Variants in CDH13 observed in about 807,000 individuals in gnomAD.
The protein encoded by CDH13 is cadherin 13, also known as cadherin-13.
Under a neutral mutation model 63.8 loss-of-function variants are expected in CDH13, and 24 were observed. The observed-to-expected ratio is 0.38, with a 90% confidence interval of 0.27 to 0.53. The LOEUF (loss-of-function observed/expected upper bound fraction) is 0.53, where lower values mean the gene tolerates loss of function less well. Ranked by LOEUF, CDH13 falls within the 20% of genes least tolerant of loss-of-function variation. The pLI is 0.85. For missense variants in CDH13, 1,049 were observed against 903.1 expected (o/e 1.16, Z -2.07); for synonymous variants, 503 against 355.3 (o/e 1.42, Z -4.67).
intron 2 of CDH13, among the ~76,000 whole-genome samples, chr16:83,027,699 G>C (rs1411724441): frequency 6.6e-6 from 1 of 152,186 alleles, no homozygotes; most frequent in Non-Finnish European, 1.5e-5. Flanking sequence ...GAGCAGAGCT[G>C]TGTGGCCCCC....
intron 2 of CDH13, among the ~76,000 whole-genome samples, chr16:82,861,908 TG>T (rs1268042712): frequency 6.6e-6 from 1 of 152,196 alleles, no homozygotes; most frequent in Non-Finnish European, 1.5e-5. Flanking sequence ...CAGGGAAACT[TG>T]GGTAAAACTT....
intron 1 of CDH13, among the ~76,000 whole-genome samples, chr16:82,675,235 G>T (rs962965365): frequency 6.6e-6 from 1 of 152,184 alleles, no homozygotes; most frequent in African/African-American, 2.4e-5. Flanking sequence ...ATTAGGCATT[G>T]TGGCATCGCT....
chr16:82,641,562 C>G (rs1042044059), intron 1 of CDH13, among the ~76,000 whole-genome samples: 1 of 152,160 alleles, frequency 6.6e-6, no homozygotes, highest in Admixed American at 6.5e-5. Context: ...TACCTTAGGG[C>G]CTCGTCTTTG....
chr16:83,707,220 C>A (rs1907209950), intron 10 of CDH13, among the ~76,000 whole-genome samples: 1 of 152,216 alleles, frequency 6.6e-6, no homozygotes, highest in Non-Finnish European at 1.5e-5. Context: ...CTCCACCCAT[C>A]ACAATCCTGT....
intron 4 of CDH13, among the ~76,000 whole-genome samples, chr16:83,149,505 A>G (rs2036885414): frequency 6.6e-6 from 1 of 152,226 alleles, no homozygotes; most frequent in Non-Finnish European, 1.5e-5. Flanking sequence ...ATTCAATTCC[A>G]CAAGTAATTC....
At chr16:83,048,193 G>A (rs147749577) in intron 3 of CDH13, among the ~76,000 whole-genome samples, 1 of 152,144 alleles carries the variant, frequency 6.6e-6, no homozygotes, top group African/African-American at 2.4e-5. Context: ...ATGAACACAA[G>A]TTGGTTACTT....
At chr16:82,727,405 T>A (rs377616656) in intron 1 of CDH13, 4 of 152,170 alleles carry the variant, frequency 2.6e-5, no homozygotes, top group Admixed American at 6.5e-5. Context: ...ATCACAAATG[T>A]CTGTGATGCA....
intron 8 of CDH13, among the ~76,000 whole-genome samples, chr16:83,615,344 G>A (rs1909197744): frequency 6.6e-6 from 1 of 152,094 alleles, no homozygotes; most frequent in African/African-American, 2.4e-5. Flanking sequence ...TTTCTTAGAA[G>A]ATGGAACACA....
At chr16:82,760,823 T>TGA (rs953659924) in intron 1 of CDH13, among the ~76,000 whole-genome samples, 1 of 151,538 alleles carries the variant, frequency 6.6e-6, no homozygotes, top group East Asian at 1.9e-4. Flanking sequence ...TGTCACATGG[T>TGA]GAGAGAGAGA....
intron 5 of CDH13, among the ~76,000 whole-genome samples, chr16:83,327,704 T>C (rs140054125): frequency 6.6e-6 from 1 of 152,254 alleles, no homozygotes; most frequent in Non-Finnish European, 1.5e-5. Context: ...CTCTTTTTGA[T>C]CAAGAAGTCA....
chr16:83,144,021 C>T (rs984306473), intron 4 of CDH13, among the ~76,000 whole-genome samples: 2 of 152,062 alleles, frequency 1.3e-5, no homozygotes, highest in South Asian at 4.2e-4. Context: ...CTGAAAACCC[C>T]TGGGCCCTGT....
intron 5 of CDH13, among the ~76,000 whole-genome samples, chr16:83,303,438 C>A (rs2089797736): frequency 6.6e-6 from 1 of 152,044 alleles, no homozygotes; most frequent in Non-Finnish European, 1.5e-5. Flanking sequence ...TGAATAAGCC[C>A]AGTGCTGAGA....
intron 2 of CDH13, among the ~76,000 whole-genome samples, chr16:83,014,743 A>AAAATATAT (rs1429094653): frequency 3.0e-5 from 1 of 33,230 alleles, no homozygotes. Flanking sequence ...AAAAAAAAAA[A>AAAATATAT]ATATATATAT....
At chr16:83,470,374 C>T (rs1298811354) in intron 6 of CDH13, among the ~76,000 whole-genome samples, 1 of 152,176 alleles carries the variant, frequency 6.6e-6, no homozygotes, top group African/African-American at 2.4e-5. Context: ...CTGCTTCTTG[C>T]TCATGGCACC....
intron 3 of CDH13, among the ~76,000 whole-genome samples, chr16:83,112,473 C>G (rs1392109856): frequency 6.6e-6 from 1 of 152,160 alleles, no homozygotes; most frequent in Non-Finnish European, 1.5e-5. Flanking sequence ...TGGTATTTTT[C>G]TATTTGGAGG....
At chr16:83,574,739 TA>T (rs1904952759) in intron 7 of CDH13, among the ~76,000 whole-genome samples, 1 of 152,194 alleles carries the variant, frequency 6.6e-6, no homozygotes, top group African/African-American at 2.4e-5. Context: ...CAGGCCCTGT[TA>T]AGATTCCCAT....
At chr16:83,544,765 T>TTAAC (rs1421047923) in intron 7 of CDH13, among the ~76,000 whole-genome samples, 4 of 152,210 alleles carry the variant, frequency 2.6e-5, no homozygotes, top group Non-Finnish European at 4.4e-5. Flanking sequence ...GGCAAGGGAT[T>TTAAC]TAACCCTCAC....
intron 5 of CDH13, among the ~76,000 whole-genome samples, chr16:83,267,725 C>T (rs1027078308): frequency 6.6e-6 from 1 of 152,114 alleles, no homozygotes; most frequent in East Asian, 1.9e-4. Context: ...TGTTGTGGCC[C>T]CTCAATCTTG....
At chr16:83,496,080 C>T (rs1466590535) in intron 7 of CDH13, among the ~76,000 whole-genome samples, 3 of 151,724 alleles carry the variant, frequency 2.0e-5, no homozygotes, top group Admixed American at 6.6e-5. Flanking sequence ...AATGGCCATA[C>T]TGCCCAAGGT....
Sources: allele counts gnomAD v4.1 joint callset (sites outside exome capture counted in the v4.1 genomes callset), GRCh38; gene constraint gnomAD v4.1.1; transcripts MANE v1.5; gene names NCBI Gene and HGNC (gene_info 2026-07-23, HGNC 2026-07-21).